The following PDE1C variants were observed in gnomAD, a reference collection of about 807,000 sequenced individuals.
PDE1C encodes the protein phosphodiesterase 1C, also known as dual specificity calcium/calmodulin-dependent 3',5'-cyclic nucleotide phosphodiesterase 1C.
Under a neutral mutation model 93.1 loss-of-function variants are expected in PDE1C, and 62 were observed. That is an observed-to-expected ratio of 0.67 (90% CI 0.54 to 0.82). The LOEUF (loss-of-function observed/expected upper bound fraction) is 0.82. PDE1C is among the 40% of genes least tolerant of loss of function. PDE1C has a pLI of 0.00. For missense variants in PDE1C, 742 were observed against 884.6 expected (o/e 0.84, Z 2.04); for synonymous variants, 325 against 310.1 (o/e 1.05, Z -0.50).
chr7:32,360,481 AG>A (rs199916706), intron 1 of PDE1C, among the ~76,000 whole-genome samples: 1 of 61,706 alleles, frequency 1.6e-5, no homozygotes, highest in African/African-American at 3.3e-5. Flanking sequence ...TTCAAAGGGA[AG>A]CGGTGGAGAG....
chr7:32,322,620 C>CT (rs60692243), intron 1 of PDE1C, among the ~76,000 whole-genome samples: 128 of 135,668 alleles, frequency 9.4e-4, no homozygotes, highest in African/African-American at 3.0e-3. Context: ...TTTCTTTTTT[C>CT]TTTTTTTTTT....
the PDE1C span, among the ~76,000 whole-genome samples, chr7:31,630,244 C>CAA: frequency 0.3 from 30,818 of 103,272 alleles, 5,644 homozygotes; most frequent in Non-Finnish European, 0.32. Context: ...GTCTACTTGG[C>CAA]AAAAAAAAAA....
intron 2 of PDE1C, among the ~76,000 whole-genome samples, chr7:32,041,913 C>T (rs1442766991): frequency 6.6e-6 from 1 of 152,074 alleles, no homozygotes; most frequent in Admixed American, 6.5e-5. Context: ...AAATGAACTA[C>T]CAAAGGCAGA....
intron 3 of PDE1C, among the ~76,000 whole-genome samples, chr7:32,150,209 G>A (rs1012547925): frequency 1.6e-4 from 24 of 152,150 alleles, no homozygotes; most frequent in African/African-American, 5.1e-4. Context: ...ACTTTGCTCC[G>A]GGTCACATCA....
At chr7:32,328,222 T>G (rs965446818) in intron 1 of PDE1C, among the ~76,000 whole-genome samples, 13 of 152,198 alleles carry the variant, frequency 8.5e-5, no homozygotes, top group Non-Finnish European at 2.9e-5. Context: ...TTGTGCCCTT[T>G]TTTGTTTTTG....
At chr7:32,265,301 G>A (rs1172455298) in intron 1 of PDE1C, among the ~76,000 whole-genome samples, 1 of 152,146 alleles carries the variant, frequency 6.6e-6, no homozygotes, top group East Asian at 1.9e-4. Context: ...CTCCAGGGGT[G>A]GCCACCTGAT....
At chr7:31,883,624 T>G (rs1434645795) in intron 2 of PDE1C, among the ~76,000 whole-genome samples, 1 of 152,216 alleles carries the variant, frequency 6.6e-6, no homozygotes, top group East Asian at 1.9e-4. Context: ...CCACTAATTT[T>G]TAACAATTCC....
intron 1 of PDE1C, among the ~76,000 whole-genome samples, chr7:32,316,001 AAT>A (rs1783162999): frequency 6.6e-6 from 1 of 152,176 alleles, no homozygotes; most frequent in Non-Finnish European, 1.5e-5. Flanking sequence ...CATCTCAAAA[AAT>A]ATATATATGT....
chr7:32,316,510 A>G (rs895298997), intron 1 of PDE1C, among the ~76,000 whole-genome samples: 19 of 152,358 alleles, frequency 1.2e-4, no homozygotes, highest in African/African-American at 3.8e-4. Context: ...TAATCACCAT[A>G]CACGGCAAGC....
At chr7:31,952,654 A>C (rs1292111991) in intron 2 of PDE1C, among the ~76,000 whole-genome samples, 2 of 152,208 alleles carry the variant, frequency 1.3e-5, no homozygotes, top group African/African-American at 4.8e-5. Flanking sequence ...AGTGGGCTAC[A>C]GCCATGCCTC....
intron 2 of PDE1C, among the ~76,000 whole-genome samples, chr7:32,050,752 T>C (rs567431958): frequency 3.7e-4 from 56 of 152,190 alleles, no homozygotes; most frequent in Non-Finnish European, 7.2e-4. Flanking sequence ...CCTGTATGCA[T>C]GCTCAAATAC....
At chr7:31,684,262 C>G in the PDE1C span, among the ~76,000 whole-genome samples, 1 of 152,182 alleles carries the variant, frequency 6.6e-6, no homozygotes, top group Non-Finnish European at 1.5e-5. Flanking sequence ...TCATACTCTT[C>G]TGTCTTTGAA....
At chr7:31,712,123 T>C in the PDE1C span, among the ~76,000 whole-genome samples, 22 of 152,232 alleles carry the variant, frequency 1.4e-4, no homozygotes, top group African/African-American at 5.3e-4. Context: ...CTACCTCTTC[T>C]TGTGATCATC....
At chr7:32,417,201 G>C (rs1423513431) in intron 1 of PDE1C, among the ~76,000 whole-genome samples, 1 of 152,002 alleles carries the variant, frequency 6.6e-6, no homozygotes, top group East Asian at 1.9e-4. Flanking sequence ...AAAGCTGGGT[G>C]CTCAGGGCAC....
At chr7:32,407,343 T>G (rs760025898) in intron 1 of PDE1C, among the ~76,000 whole-genome samples, 5 of 152,128 alleles carry the variant, frequency 3.3e-5, no homozygotes, top group Admixed American at 6.5e-5. Context: ...ATTTTATCAT[T>G]TCTGAATTTC....
At chr7:32,065,041 G>A (rs56112920) in intron 1 of PDE1C, among the ~76,000 whole-genome samples, 9,956 of 85,736 alleles carry the variant, frequency 0.12, 427 homozygotes, top group African/African-American at 0.14. Context: ...TACTTCTGAC[G>A]GAACGGCGGT....
chr7:32,267,131 G>A (rs1048115390), intron 1 of PDE1C, among the ~76,000 whole-genome samples: 2 of 152,238 alleles, frequency 1.3e-5, no homozygotes, highest in Admixed American at 6.5e-5. Flanking sequence ...CCTGAGCAGC[G>A]GCGGCCCCTG....
At chr7:31,833,778 A>G (rs190381888) in intron 11 of PDE1C, among the ~76,000 whole-genome samples, 1 of 152,360 alleles carries the variant, frequency 6.6e-6, no homozygotes, top group East Asian at 1.9e-4. Flanking sequence ...AAGGGAAACG[A>G]CACATAAAAG....
rs574908269 is a variant in PDE1C at position 32,340,623 on chromosome 7, A to C, written c.310+87199T>G. Among the ~76,000 whole-genome samples, 346 of 152,340 alleles carry C rather than the reference A, an allele frequency of 2.3e-3. 3 individuals are homozygous for C. The highest frequency in any genetic ancestry group is 8.0e-3 in the African/African-American group (333 of 41,576). ...TTTTAAAAAATGCTCTGATAAACAA[A>C]CTGTGTTATATCCAGACAATGGCAT... On this transcript the variant is annotated intron_variant, in intron 1 of 1. Transcript: ENST00000672256.
Sources: allele counts gnomAD v4.1 joint callset (sites outside exome capture counted in the v4.1 genomes callset), GRCh38; gene constraint gnomAD v4.1.1; transcripts MANE v1.5; gene names NCBI Gene and HGNC (gene_info 2026-07-23, HGNC 2026-07-21).